The following NEIL3 variants were observed in gnomAD, a reference collection of about 807,000 sequenced individuals.
NEIL3 encodes endonuclease 8-like 3.
NEIL3 carries 48 observed loss-of-function variants against 57.5 expected under a neutral mutation model. The ratio of observed to expected loss-of-function variants is 0.83; its 90% CI spans 0.66 to 1.06. The LOEUF (loss-of-function observed/expected upper bound fraction) is 1.06. NEIL3 is among the 50% of genes least tolerant of loss of function. NEIL3 has a pLI of 0.00. For synonymous variants in NEIL3, 261 were observed against 253.2 expected (o/e 1.03, Z -0.29); for missense variants, 717 against 739.1 (o/e 0.97, Z 0.35).
At chr4:177,319,827 CT>C (rs1026948770) in intron 1 of NEIL3, among the ~76,000 whole-genome samples, 1 of 152,208 alleles carries the variant, frequency 6.6e-6, no homozygotes, top group African/African-American at 2.4e-5. Context: ...CACCTGGCCT[CT>C]GCTGGGAGCT....
downstream of NEIL3, among the ~76,000 whole-genome samples, chr4:177,366,565 A>T (rs1216131340): frequency 6.6e-6 from 1 of 152,082 alleles, no homozygotes; most frequent in East Asian, 1.9e-4. Context: ...CGCCTGGCTA[A>T]TTTTTGTACT....
intron 1 of NEIL3, among the ~76,000 whole-genome samples, chr4:177,314,864 T>C (rs569623759): frequency 1.3e-5 from 2 of 151,644 alleles, no homozygotes; most frequent in East Asian, 3.9e-4. Context: ...GATCACGAGG[T>C]CAGGAGATTG....
chr4:177,337,768 G>A (rs561390529), intron 4 of NEIL3, among the ~76,000 whole-genome samples: 4 of 152,278 alleles, frequency 2.6e-5, no homozygotes, highest in Admixed American at 2.0e-4. Context: ...GGAGGCTGAC[G>A]CGGGCAGATC....
chr4:177,320,462 C>CTTTTTTTTTTTTTTTTTTTTTTTTT lies in NEIL3; in HGVS notation c.157-1996_157-1995insTTTTTTTTTTTTTTTTTTTTTTTTT, dbSNP rs1560908362. Among the ~76,000 whole-genome samples the CTTTTTTTTTTTTTTTTTTTTTTTTT allele has an allele frequency of 1.8e-5, 2 of 110,694 alleles. 1 individual carries two copies. The allele number at this position is 110,694 out of a possible 152,430, so 72.6% of individuals were successfully genotyped here. On this transcript the variant is annotated intron_variant, in intron 1 of 9. Transcript: ENST00000264596. ...ATTTGTGCAGAACAGGAAGTGACTG[C>CTTTTTTTTTTTTTTTTTTTTTTTTT]TGTCTTTTTTTTTTTTTTTTTTTTT...
At chr4:177,339,274 G>A (rs1735038420) in intron 4 of NEIL3, among the ~76,000 whole-genome samples, 1 of 152,204 alleles carries the variant, frequency 6.6e-6, no homozygotes, top group South Asian at 2.1e-4. Context: ...AATAAAGTAA[G>A]CTTGAGAAAA....
At chr4:177,326,928 A>G (rs949282656) in intron 2 of NEIL3, among the ~76,000 whole-genome samples, 1 of 152,044 alleles carries the variant, frequency 6.6e-6, no homozygotes, top group African/African-American at 2.4e-5. Context: ...CTGTGTTCCC[A>G]CCCAGATTTC....
Position 177,362,547 on chromosome 4 carries a change from T to C in NEIL3, c.*76T>C. 8.8e-7 allele frequency: 1 copy of C among 1,139,360 alleles called. No homozygotes were observed. Among genetic ancestry groups the C allele is most frequent in the South Asian group, 1.6e-5 (1 of 60,676 alleles). 70.6% of individuals were successfully genotyped at this position (1,139,360 alleles called of 1,614,324 possible). A position where few individuals can be genotyped will look rare whatever the true frequency, so the allele number is the denominator to read the frequency against. On this transcript the variant is annotated 3_prime_UTR_variant, in exon 10 of 10. Transcript: ENST00000264596. ...GGTCCTCCTCTGTTTCATAGAAAAG[T>C]CATAGAATATCTATGATACATTGAA...
chr4:177,359,711 T>G (rs2110942677), intron 8 of NEIL3, among the ~76,000 whole-genome samples: 1 of 152,334 alleles, frequency 6.6e-6, no homozygotes, highest in Non-Finnish European at 1.5e-5. Flanking sequence ...ATTAAAAAAC[T>G]AATTCTCTTA....
At chr4:177,344,273 G>GA (rs1001661266) in intron 6 of NEIL3, among the ~76,000 whole-genome samples, 1 of 152,162 alleles carries the variant, frequency 6.6e-6, no homozygotes, top group African/African-American at 2.4e-5. Flanking sequence ...TGAAAACCAA[G>GA]ATGATTTGCC....
chr4:177,331,675 A>C (rs1466133046), intron 2 of NEIL3, among the ~76,000 whole-genome samples: 1 of 152,166 alleles, frequency 6.6e-6, no homozygotes, highest in Non-Finnish European at 1.5e-5. Flanking sequence ...GACATTGTCT[A>C]TAGAAGACAA....
chr4:177,358,450 G>A (rs940275205), intron 8 of NEIL3, among the ~76,000 whole-genome samples: 2 of 152,096 alleles, frequency 1.3e-5, no homozygotes, highest in Non-Finnish European at 1.5e-5. Flanking sequence ...TGGGATTAGA[G>A]GCACCCGCCA....
In NEIL3 at chr4:177,335,731, G is replaced by A. The variant is rs1397780745; in HGVS notation, c.322G>A (p.Glu108Lys). ...AGGCTTCATCATGATTAATCCACTTGAGTATAAATATAAAAATGGAGCTTC... is the reference window on the plus strand; with the variant it reads ...AGGCTTCATCATGATTAATCCACTTAAGTATAAATATAAAAATGGAGCTTC... ...MKGFIMINPL[E>K]YKYKNGASPV... The change falls in exon 3 of 10, where the codon GAG (glutamate) becomes AAG (lysine). Residue 108 changes from glutamate (E) to lysine (K), a missense_variant. Transcript: ENST00000264596. The A allele has an allele frequency of 6.3e-7, 1 of 1,599,896 alleles. No homozygotes were observed. Among genetic ancestry groups the A allele is most frequent in the African/African-American group, 1.3e-5 (1 of 74,124 alleles).
chr4:177,354,148 A>C (rs1244765482), intron 8 of NEIL3: 2 of 171,270 alleles, frequency 1.2e-5, no homozygotes, highest in African/African-American at 4.8e-5. Context: ...ATCAAACCCT[A>C]AAAGACTATT....
chr4:177,345,815 AG>A lies in NEIL3; in HGVS notation c.869+4175del, dbSNP rs560747195. Among the ~76,000 whole-genome samples, 19 of 150,142 alleles carry A rather than the reference AG, an allele frequency of 1.3e-4. No individual in the cohort carries two copies. In the South Asian group the frequency reaches 3.8e-3, roughly 30 times the overall value. On this transcript the variant is annotated intron_variant, in intron 6 of 9. Transcript: ENST00000264596. ...AATGATTCTCCTACCTCGGCCTCCC[AG>A]GTAGCTGGAATCACAGGTGCATGCT...
intron 6 of NEIL3, 109 bp downstream of exon 6, chr4:177,341,751 G>A: frequency 3.2e-6 from 3 of 937,546 alleles, no homozygotes; most frequent in Non-Finnish European, 4.6e-6. Flanking sequence ...AAGAGAACGT[G>A]ACTCAAAAGT....
At chr4:177,351,200 T>C (rs1362747455) in intron 6 of NEIL3, among the ~76,000 whole-genome samples, 180 bp from the exon 7 acceptor site, 1 of 74,470 alleles carries the variant, frequency 1.3e-5, no homozygotes, top group East Asian at 4.1e-4. Flanking sequence ...CAAGACCCCA[T>C]CTCTACAAAA....
At chr4:177,318,723 C>G (rs1473113156) in intron 1 of NEIL3, among the ~76,000 whole-genome samples, 1 of 152,152 alleles carries the variant, frequency 6.6e-6, no homozygotes, top group East Asian at 1.9e-4. Flanking sequence ...TTGCACCCTC[C>G]CCCAATCTTG....
intron 2 of NEIL3, among the ~76,000 whole-genome samples, chr4:177,322,824 A>G (rs1179644235): frequency 6.6e-6 from 1 of 152,182 alleles, no homozygotes; most frequent in Non-Finnish European, 1.5e-5. Context: ...TTAGAGCAAC[A>G]CATCTGTTTT....
At chr4:177,364,595 A>G (rs1480939100), downstream of NEIL3, among the ~76,000 whole-genome samples, 1 of 152,102 alleles carries the variant, frequency 6.6e-6, no homozygotes, top group Non-Finnish European at 1.5e-5. Flanking sequence ...ACTGAACCAT[A>G]TATGCATGGG....
Sources: gnomAD v4.1 joint callset for allele counts (sites outside exome capture counted in the v4.1 genomes callset) on GRCh38, gnomAD v4.1.1 for gene constraint, MANE v1.5 for transcripts, NCBI Gene and HGNC (gene_info 2026-07-23, HGNC 2026-07-21) for gene names.